MAGI1: variants seen among roughly 807,000 people sequenced by gnomAD.
MAGI1 encodes membrane-associated guanylate kinase, WW and PDZ domain-containing protein 1.
MAGI1 carries 58 observed loss-of-function variants against 139.9 expected under a neutral mutation model. The observed-to-expected ratio is 0.41, with a 90% confidence interval of 0.34 to 0.52. MAGI1 has a LOEUF of 0.52. Among genes scored for constraint, MAGI1 ranks in the 20% least tolerant of loss-of-function variants. The probability of loss-of-function intolerance (pLI) is 0.12; values close to 1 mark genes in which losing one functional copy is unlikely to be tolerated. For synonymous variants in MAGI1, 812 were observed against 737.9 expected (o/e 1.10, Z -1.63); for missense variants, 1,874 against 1,901.6 (o/e 0.99, Z 0.27).
At chr3:65,780,091 C>A (rs1038356317) in intron 1 of MAGI1, among the ~76,000 whole-genome samples, 1 of 152,046 alleles carries the variant, frequency 6.6e-6, no homozygotes, top group Admixed American at 6.6e-5. Context: ...GGTGCAATTA[C>A]GGCTCACTGC....
At chr3:65,823,091 AT>A (rs1470367981) in intron 1 of MAGI1, among the ~76,000 whole-genome samples, 1 of 152,218 alleles carries the variant, frequency 6.6e-6, no homozygotes, top group African/African-American at 2.4e-5. Context: ...TTACAGCTAA[AT>A]TTTTTAACTT....
chr3:65,833,126 T>C (rs1456929031), intron 1 of MAGI1, among the ~76,000 whole-genome samples: 1 of 89,918 alleles, frequency 1.1e-5, no homozygotes, highest in African/African-American at 3.8e-5. Flanking sequence ...ACTGAACTTT[T>C]TTTTTTTGGG....
rs767002809 is a variant in MAGI1, at chr3:65,439,892, CTGCTGCTGCTGCTGCTGCTGCTGT to C, written c.1233_1256del (p.Gln414_Gln421del). ...AAAGAGGCCAACCTTCTGTCTGCTG[CTGCTGCTGCTGCTGCTGCTGCTGT>C]TGCTGCTGCTGTTGCTGCTGCTGCT... is the stretch of plus-strand genomic sequence containing the variant. On this transcript the variant is annotated inframe_deletion, in exon 9 of 23. Coordinates refer to ENST00000402939, the MANE Select transcript of MAGI1 (RefSeq NM_001033057.2). 5.0e-6 allele frequency: 8 copies of C among 1,602,700 alleles called. No homozygotes were observed. Among genetic ancestry groups the C allele is most frequent in the East Asian group, 2.3e-5 (1 of 43,852 alleles).
chr3:65,719,213 T>C (rs568089074), intron 1 of MAGI1, among the ~76,000 whole-genome samples: 2 of 151,944 alleles, frequency 1.3e-5, no homozygotes, highest in East Asian at 1.9e-4. Context: ...GACACTGCTA[T>C]AGATTTATTT....
At chr3:65,929,579 C>T (rs144579374) in intron 1 of MAGI1, among the ~76,000 whole-genome samples, 130 of 152,124 alleles carry the variant, frequency 8.5e-4, no homozygotes, top group African/African-American at 3.0e-3. Flanking sequence ...GTGATCCACC[C>T]ACCTCGGCCT....
At chr3:65,590,823 G>T (rs758566514) in intron 2 of MAGI1, among the ~76,000 whole-genome samples, 1 of 152,016 alleles carries the variant, frequency 6.6e-6, no homozygotes, top group African/African-American at 2.4e-5. Flanking sequence ...ATGAACTTGC[G>T]GTAAAGACTA....
In MAGI1 at chr3:65,916,451, A is replaced by C. The variant is rs529348673; in HGVS notation, c.313+121545T>G. On this transcript the variant is annotated intron_variant, in intron 1 of 22. Coordinates refer to ENST00000402939, the MANE Select transcript of MAGI1 (RefSeq NM_001033057.2). The stretch of plus-strand genomic sequence containing the variant: ...GGGGAGGCCTCACAATCATGGCAGA[A>C]GGCGAAAGGCACACCTTACGTGGTG... 2.6e-5 allele frequency among the ~76,000 whole-genome samples: 4 copies of C among 152,324 alleles called. No individual in the cohort carries two copies. In the East Asian group the frequency reaches 7.7e-4, roughly 29 times the overall value.
At chr3:65,542,828 G>A (rs1248290512) in intron 2 of MAGI1, among the ~76,000 whole-genome samples, 1 of 152,108 alleles carries the variant, frequency 6.6e-6, no homozygotes, top group Non-Finnish European at 1.5e-5. Context: ...TATCATTCAG[G>A]ACATAAGCAT....
chr3:65,423,381 C>T (rs914317593), intron 12 of MAGI1, among the ~76,000 whole-genome samples: 2 of 151,514 alleles, frequency 1.3e-5, no homozygotes, highest in Admixed American at 6.6e-5. Flanking sequence ...CGTGCACACA[C>T]GCGCACACAC....
intron 3 of MAGI1, among the ~76,000 whole-genome samples, chr3:65,482,671 T>C (rs1012408410): frequency 6.6e-6 from 1 of 152,246 alleles, no homozygotes; most frequent in Non-Finnish European, 1.5e-5. Context: ...TTATTTCCCG[T>C]ACTGAAACCT....
intron 2 of MAGI1, among the ~76,000 whole-genome samples, chr3:65,523,083 T>G (rs2078233893): frequency 6.6e-6 from 1 of 152,214 alleles, no homozygotes; most frequent in South Asian, 2.1e-4. Flanking sequence ...TCAACCAGAA[T>G]GTATATTTCC....
At chr3:65,868,950 T>C (rs72909466) in intron 1 of MAGI1, among the ~76,000 whole-genome samples, 9,280 of 152,142 alleles carry the variant, frequency 0.061, 909 homozygotes, top group African/African-American at 0.21. Context: ...CCTTTGCCCA[T>C]AGCCCCTATC....
chr3:65,500,341 G>C (rs2077033881), intron 2 of MAGI1, among the ~76,000 whole-genome samples: 1 of 152,072 alleles, frequency 6.6e-6, no homozygotes, highest in Admixed American at 6.5e-5. Flanking sequence ...TAATTAATTT[G>C]AGCTGTGTCC....
At chr3:65,844,117 G>C (rs1334794093) in intron 1 of MAGI1, 1 of 517,996 alleles carries the variant, frequency 1.9e-6, no homozygotes, top group African/African-American at 1.9e-5. Flanking sequence ...CCAAACAGTG[G>C]GGCTGGACAC....
chr3:65,877,686 G>A (rs1559969069), intron 1 of MAGI1, among the ~76,000 whole-genome samples: 1 of 152,138 alleles, frequency 6.6e-6, no homozygotes, highest in Admixed American at 6.5e-5. Flanking sequence ...CTCCCAAGTG[G>A]CTGGGATTAC....
intron 12 of MAGI1, among the ~76,000 whole-genome samples, chr3:65,408,172 G>A (rs1215502421): frequency 6.6e-6 from 1 of 152,286 alleles, no homozygotes; most frequent in East Asian, 1.9e-4. Flanking sequence ...TATGGCTATA[G>A]CATTAGAAGC....
At chr3:65,376,416 A>T (rs559219288) in intron 17 of MAGI1, among the ~76,000 whole-genome samples, 113 of 152,298 alleles carry the variant, frequency 7.4e-4, no homozygotes, top group African/African-American at 2.6e-3. Flanking sequence ...TTCTCTGTTT[A>T]GAAAAATAAT....
chr3:65,911,363 G>A (rs1439151323), intron 1 of MAGI1, among the ~76,000 whole-genome samples: 1 of 151,982 alleles, frequency 6.6e-6, no homozygotes, highest in African/African-American at 2.4e-5. Flanking sequence ...TCCTCCGGGG[G>A]ACGCTCTACA....
At chr3:65,716,558 T>C (rs2032276844) in intron 1 of MAGI1, among the ~76,000 whole-genome samples, 1 of 152,216 alleles carries the variant, frequency 6.6e-6, no homozygotes. Context: ...TCTTGCTACC[T>C]GACTCTGAAA....
Sources: allele counts gnomAD v4.1 joint callset (sites outside exome capture counted in the v4.1 genomes callset), GRCh38; gene constraint gnomAD v4.1.1; transcripts MANE v1.5; gene names NCBI Gene and HGNC (gene_info 2026-07-23, HGNC 2026-07-21).